EFNA5: variants seen among roughly 807,000 people sequenced by gnomAD.
EFNA5 encodes the protein ephrin-A5.
In EFNA5, 5 loss-of-function variants were observed where a neutral mutation model predicts 22.9. That is an observed-to-expected ratio of 0.22 (90% CI 0.11 to 0.46). The LOEUF (loss-of-function observed/expected upper bound fraction) is 0.46. Among genes scored for constraint, EFNA5 ranks in the 20% least tolerant of loss-of-function variants. The pLI, the probability that EFNA5 is intolerant of heterozygous loss-of-function variation, is 0.99. For synonymous variants in EFNA5, 113 were observed against 112.2 expected, an observed-to-expected ratio of 1.01 and a Z score of -0.04; for missense variants, 237 against 293.3, an observed-to-expected ratio of 0.81 and a Z score of 1.40.
At chr5:107,429,024 C>G (rs924268757) in intron 1 of EFNA5, among the ~76,000 whole-genome samples, 2 of 152,228 alleles carry the variant, frequency 1.3e-5, no homozygotes, top group African/African-American at 4.8e-5. Context: ...CCTCATCATT[C>G]TAGATTCTTG....
chr5:107,534,030 C>T (rs999571125), intron 1 of EFNA5, among the ~76,000 whole-genome samples: 3 of 152,190 alleles, frequency 2.0e-5, no homozygotes, highest in African/African-American at 7.2e-5. Flanking sequence ...TAACCAGAGG[C>T]AGGATCTCCC....
intron 1 of EFNA5, among the ~76,000 whole-genome samples, chr5:107,645,626 G>A (rs1428790588): frequency 6.6e-6 from 1 of 152,142 alleles, no homozygotes; most frequent in East Asian, 1.9e-4. Context: ...AGATTGGGCA[G>A]GGGTAGTTCT....
In EFNA5 at chr5:107,622,977, C is replaced by T. The variant is rs374118858; in HGVS notation, c.125+47512G>A. Reference sequence around the variant, plus strand: ...CGGAGCTTGCAGTGAGCCGAGATTGCGCCACTGCAGTCCGCAGTCCGGCCT... The same window carrying T: ...CGGAGCTTGCAGTGAGCCGAGATTGTGCCACTGCAGTCCGCAGTCCGGCCT... On this transcript the variant is annotated intron_variant, in intron 1 of 4. Coordinates refer to ENST00000333274, the MANE Select transcript of EFNA5 (RefSeq NM_001962.3). Among the ~76,000 whole-genome samples, 55 of 136,240 alleles carry T rather than the reference C, an allele frequency of 4.0e-4. No homozygotes were observed. In the South Asian group the frequency reaches 0.013, roughly 32 times the overall value. 89.4% of individuals were successfully genotyped at this position (136,240 alleles called of 152,430 possible). A position where few individuals can be genotyped will look rare whatever the true frequency, so the allele number is the denominator to read the frequency against.
At chr5:107,485,927 C>A (rs992565417) in intron 1 of EFNA5, among the ~76,000 whole-genome samples, 1 of 152,026 alleles carries the variant, frequency 6.6e-6, no homozygotes, top group Non-Finnish European at 1.5e-5. Flanking sequence ...TTCTATTGAA[C>A]CTCGCCAACT....
chr5:107,380,855 C>T lies in EFNA5; in HGVS notation c.*400G>A, dbSNP rs537753416. 8 of 410,176 alleles carry T rather than the reference C, an allele frequency of 2.0e-5. No individual in the cohort carries two copies. The highest frequency in any genetic ancestry group is 1.1e-4 in the South Asian group (1 of 9,028). 25.4% of individuals were successfully genotyped at this position (410,176 alleles called of 1,614,324 possible). A position where few individuals can be genotyped will look rare whatever the true frequency, so the allele number is the denominator to read the frequency against. On this transcript the variant is annotated 3_prime_UTR_variant, in exon 5 of 5. Coordinates refer to ENST00000333274, the MANE Select transcript of EFNA5 (RefSeq NM_001962.3). ...GCAAAACCCTCCCAGCCCTAGCCAG[C>T]GCTGGCTGCATCTGCCACTATTCTT... is the stretch of plus-strand genomic sequence containing the variant.
chr5:107,489,303 A>G (rs1435656133), intron 1 of EFNA5, among the ~76,000 whole-genome samples: 1 of 151,982 alleles, frequency 6.6e-6, no homozygotes. Context: ...CCTCTCTAGT[A>G]GCTGGGATTA....
chr5:107,616,344 T>C (rs1305925523), intron 1 of EFNA5, among the ~76,000 whole-genome samples: 1 of 152,192 alleles, frequency 6.6e-6, no homozygotes, highest in Non-Finnish European at 1.5e-5. Flanking sequence ...CGATTTGCCT[T>C]CCCAGCTATG....
chr5:107,581,368 C>T (rs1042565611), intron 1 of EFNA5, among the ~76,000 whole-genome samples: 3 of 152,272 alleles, frequency 2.0e-5, no homozygotes, highest in Non-Finnish European at 4.4e-5. Context: ...TGGTCCTTTA[C>T]CCCGGAGACA....
At chr5:107,618,196 C>G (rs1292984301) in intron 1 of EFNA5, among the ~76,000 whole-genome samples, 1 of 152,152 alleles carries the variant, frequency 6.6e-6, no homozygotes, top group Non-Finnish European at 1.5e-5. Context: ...TCCTCTGTTT[C>G]TTTTGAAAAA....
intron 1 of EFNA5, among the ~76,000 whole-genome samples, chr5:107,532,480 G>A (rs1438298762): frequency 6.6e-6 from 1 of 152,224 alleles, no homozygotes; most frequent in Non-Finnish European, 1.5e-5. Context: ...AATCCCTCTA[G>A]GAATTAGCCG....
chr5:107,469,268 A>G (rs1750073537), intron 1 of EFNA5, among the ~76,000 whole-genome samples: 1 of 152,194 alleles, frequency 6.6e-6, no homozygotes, highest in African/African-American at 2.4e-5. Flanking sequence ...CTAAGAAAGT[A>G]CCAAACCAGT....
Position 107,493,213 on chromosome 5 carries a change from G to GT in EFNA5, c.126-65705dup, listed in dbSNP as rs571288389. ...ACACCATAGTTGTTTTTTGTTTTTT[G>GT]TTTTTTTTTTATCTTTTACAACCAA... On this transcript the variant is annotated intron_variant, in intron 1 of 4. Transcript: ENST00000333274. Among the ~76,000 whole-genome samples, 220 of 142,042 alleles carry GT rather than the reference G, an allele frequency of 1.5e-3. 1 individual carries two copies. The highest frequency in any genetic ancestry group is 7.9e-3 in the East Asian group (38 of 4,824). 93.2% of individuals were successfully genotyped at this position (142,042 alleles called of 152,430 possible).
At chr5:107,420,522 T>TAAAAAAAAAAAAAAAAAAAGAAAAAAAA (rs368304882) in intron 2 of EFNA5, among the ~76,000 whole-genome samples, 1 of 109,060 alleles carries the variant, frequency 9.2e-6, no homozygotes, top group Non-Finnish European at 1.8e-5. Flanking sequence ...TCTGTGCTTT[T>TAAAAAAAAAAAAAAAAAAAGAAAAAAAA]AAAAAAAAAA....
At chr5:107,666,975 T>C (rs967270) in intron 1 of EFNA5, among the ~76,000 whole-genome samples, 50,194 of 151,946 alleles carry the variant, frequency 0.33, 9,078 homozygotes, top group South Asian at 0.52. Flanking sequence ...TTTAAAAGCT[T>C]TTTACATTCT....
intron 1 of EFNA5, among the ~76,000 whole-genome samples, chr5:107,632,492 T>C (rs1750276924): frequency 6.6e-6 from 1 of 152,180 alleles, no homozygotes; most frequent in Admixed American, 6.5e-5. Flanking sequence ...GTCAACTATT[T>C]ACTTTTTTAC....
chr5:107,510,608 T>C (rs965112593), intron 1 of EFNA5, among the ~76,000 whole-genome samples: 5 of 152,206 alleles, frequency 3.3e-5, no homozygotes, highest in African/African-American at 1.2e-4. Flanking sequence ...TACCAGGAAG[T>C]CTTAAATGTT....
At chr5:107,506,906 A>C (rs1391545091) in intron 1 of EFNA5, among the ~76,000 whole-genome samples, 1 of 152,218 alleles carries the variant, frequency 6.6e-6, no homozygotes, top group Non-Finnish European at 1.5e-5. Flanking sequence ...TTTTTAATGT[A>C]AGTAAAAATT....
intron 1 of EFNA5, among the ~76,000 whole-genome samples, chr5:107,553,757 G>T (rs936491958): frequency 2.0e-5 from 3 of 152,084 alleles, no homozygotes; most frequent in African/African-American, 7.2e-5. Context: ...TTCCTTTTAT[G>T]ATTTTCCTTC....
intron 1 of EFNA5, among the ~76,000 whole-genome samples, chr5:107,490,746 C>G (rs1371481960): frequency 2.0e-5 from 3 of 152,160 alleles, no homozygotes; most frequent in Non-Finnish European, 4.4e-5. Context: ...CTGTCATGAC[C>G]AATGCCTTAC....
Sources: allele counts gnomAD v4.1 joint callset (sites outside exome capture counted in the v4.1 genomes callset), GRCh38; gene constraint gnomAD v4.1.1; transcripts MANE v1.5; gene names NCBI Gene and HGNC (gene_info 2026-07-23, HGNC 2026-07-21).